The following CCDC146 variants were observed in gnomAD, a reference collection of about 807,000 sequenced individuals.
CCDC146 encodes the protein coiled-coil domain-containing protein 146.
CCDC146 carries 92 observed loss-of-function variants against 119.3 expected under a neutral mutation model. The observed-to-expected ratio is 0.77, with a 90% confidence interval of 0.65 to 0.92. The LOEUF is 0.92. Ranked by LOEUF, CCDC146 falls within the 40% of genes least tolerant of loss-of-function variation. CCDC146 has a pLI of 0.00. For synonymous variants in CCDC146, 372 were observed against 371.8 expected (o/e 1.00, Z -0.01); for missense variants, 1,000 against 1,103.0 (o/e 0.91, Z 1.32).
intron 16 of CCDC146, 39 bp from the exon 17 acceptor site, chr7:77,287,401 C>CT (rs150698984): frequency 5.5e-5 from 88 of 1,588,834 alleles, no homozygotes; most frequent in South Asian, 1.1e-4. Context: ...TCTTAGATGA[C>CT]TTTTTTTTTA....
intron 9 of CCDC146, among the ~76,000 whole-genome samples, chr7:77,265,643 C>A (rs1198586610): frequency 2.6e-5 from 4 of 152,186 alleles, no homozygotes; most frequent in African/African-American, 9.7e-5. Flanking sequence ...ACCTAATACA[C>A]AATGTAATCC....
intron 1 of CCDC146, among the ~76,000 whole-genome samples, chr7:77,125,356 T>C (rs1790678395): frequency 6.6e-6 from 1 of 151,052 alleles, no homozygotes; most frequent in South Asian, 2.1e-4. Context: ...TGATCTCAAT[T>C]GTGTAATAAT....
intron 2 of CCDC146, among the ~76,000 whole-genome samples, chr7:77,206,116 G>T (rs558029458): frequency 5.3e-5 from 8 of 152,250 alleles, no homozygotes; most frequent in African/African-American, 1.7e-4. Context: ...TATTAATTTT[G>T]GGGTTACAAA....
intron 2 of CCDC146, among the ~76,000 whole-genome samples, chr7:77,173,882 T>G (rs1190264554): frequency 6.6e-6 from 1 of 152,262 alleles, no homozygotes; most frequent in Non-Finnish European, 1.5e-5. Context: ...TCAGGTTTTT[T>G]ATGTATGCCT....
At chr7:77,261,700 A>G (rs1251394204) in intron 8 of CCDC146, among the ~76,000 whole-genome samples, 1 of 151,422 alleles carries the variant, frequency 6.6e-6, no homozygotes, top group African/African-American at 2.4e-5. Context: ...GATGGTCTCG[A>G]TCTCCTGACC....
intron 4 of CCDC146, among the ~76,000 whole-genome samples, chr7:77,244,326 C>A (rs1792905069): frequency 6.6e-6 from 1 of 152,006 alleles, no homozygotes. Flanking sequence ...ATAAATGTAG[C>A]CTAAGTGTAC....
chr7:77,184,097 A>G (rs1791629185), intron 2 of CCDC146, among the ~76,000 whole-genome samples: 1 of 152,196 alleles, frequency 6.6e-6, no homozygotes, highest in Non-Finnish European at 1.5e-5. Flanking sequence ...GGGATATGTG[A>G]TAGGCAGGCA....
At chr7:77,160,103 G>A (rs1791236151) in intron 1 of CCDC146, among the ~76,000 whole-genome samples, 1 of 152,092 alleles carries the variant, frequency 6.6e-6, no homozygotes, top group East Asian at 1.9e-4. Context: ...ATTTCTGAGG[G>A]CTCTATTCTG....
At position 77,262,110 on chromosome 7, in the gene CCDC146, A is replaced by T; in HGVS notation, c.987-11A>T. ...AAAATCATTTTCTTCTTCTTCCTTT[A>T]CCTGGAACAGAGGGATCTTGGATCT... On this transcript the variant is annotated splice_polypyrimidine_tract_variant and intron_variant, in intron 8 of 18. Coordinates refer to ENST00000285871, the MANE Select transcript of CCDC146 (RefSeq NM_020879.3). The T allele has an allele frequency of 6.4e-7, 1 of 1,572,054 alleles. No homozygotes were observed. Among genetic ancestry groups the T allele is most frequent in the East Asian group, 2.3e-5 (1 of 43,766 alleles).
At position 77,287,507 on chromosome 7, in the gene CCDC146, C is replaced by CCAGGATCACAGA; in HGVS notation, c.2349_2350insATCACAGACAGG (p.Arg783_Leu784insIleThrAspArg). 1 of 1,613,932 alleles carries CCAGGATCACAGA rather than the reference C, an allele frequency of 6.2e-7. No individual in the cohort carries two copies. The highest frequency in any genetic ancestry group is 8.5e-7 in the Non-Finnish European group (1 of 1,179,850). ...AAGGATTTCATCTATGAGCAGGTCT[C>CCAGGATCACAGA]CAGGCTCACAGACAGGCTCTGCAGC... is the stretch of plus-strand genomic sequence containing the variant. On this transcript the variant is annotated inframe_insertion, in exon 17 of 19. Coordinates refer to ENST00000285871, the MANE Select transcript of CCDC146 (RefSeq NM_020879.3).
chr7:77,282,269 A>G, intron 14 of CCDC146: 1 of 311,902 alleles, frequency 3.2e-6, no homozygotes, highest in Non-Finnish European at 5.9e-6. Flanking sequence ...TGCATTGGGA[A>G]TGACATTCTT....
At chr7:77,233,853 A>G (rs73373647) in intron 2 of CCDC146, among the ~76,000 whole-genome samples, 1 of 152,128 alleles carries the variant, frequency 6.6e-6, no homozygotes, top group Non-Finnish European at 1.5e-5. Flanking sequence ...CAAAATGCCA[A>G]ATACAATCAT....
At chr7:77,155,935 G>GA (rs1328461005) in intron 1 of CCDC146, among the ~76,000 whole-genome samples, 2 of 152,166 alleles carry the variant, frequency 1.3e-5, no homozygotes, top group East Asian at 3.9e-4. Flanking sequence ...AGAAAAAAGG[G>GA]AAAAAATATA....
intron 13 of CCDC146, among the ~76,000 whole-genome samples, chr7:77,279,428 T>C (rs962806266): frequency 9.2e-5 from 14 of 152,172 alleles, no homozygotes; most frequent in Non-Finnish European, 2.1e-4. Context: ...CCATAACATA[T>C]AACTATGCTT....
chr7:77,270,168 AT>A (rs921825802), intron 9 of CCDC146, among the ~76,000 whole-genome samples: 1 of 152,178 alleles, frequency 6.6e-6, no homozygotes, highest in Non-Finnish European at 1.5e-5. Context: ...TAATTGGGAT[AT>A]TTACAGCAAC....
At chr7:77,197,843 CAG>C (rs917489670) in intron 2 of CCDC146, among the ~76,000 whole-genome samples, 1 of 152,034 alleles carries the variant, frequency 6.6e-6, no homozygotes, top group Non-Finnish European at 1.5e-5. Flanking sequence ...AAAGAAACAA[CAG>C]GTGACTATAT....
At chr7:77,130,625 G>GT (rs1213591283) in intron 1 of CCDC146, among the ~76,000 whole-genome samples, 1 of 136,776 alleles carries the variant, frequency 7.3e-6, no homozygotes, top group Non-Finnish European at 1.5e-5. Context: ...TTGAGACGGA[G>GT]TTTCGCTCTG....
chr7:77,209,457 C>G (rs1792141981), intron 2 of CCDC146, among the ~76,000 whole-genome samples: 1 of 152,218 alleles, frequency 6.6e-6, no homozygotes, highest in Non-Finnish European at 1.5e-5. Context: ...AGCCCCTGCA[C>G]CTGCTTTCAT....
intron 2 of CCDC146, among the ~76,000 whole-genome samples, chr7:77,218,645 T>C (rs953146737): frequency 3.3e-5 from 5 of 151,768 alleles, no homozygotes; most frequent in African/African-American, 1.2e-4. Flanking sequence ...GGTCTCACTC[T>C]GTCACCCAGG....
Sources: gnomAD v4.1 joint callset for allele counts (sites outside exome capture counted in the v4.1 genomes callset) on GRCh38, gnomAD v4.1.1 for gene constraint, MANE v1.5 for transcripts, NCBI Gene and HGNC (gene_info 2026-07-23, HGNC 2026-07-21) for gene names.